Variants in CEP112 observed in about 807,000 individuals in gnomAD.
CEP112 encodes the protein centrosomal protein of 112 kDa.
Under a neutral mutation model 153.0 loss-of-function variants are expected in CEP112, and 127 were observed. The ratio of observed to expected loss-of-function variants is 0.83; its 90% CI spans 0.72 to 0.96. The LOEUF (loss-of-function observed/expected upper bound fraction) is 0.96, where lower values mean the gene tolerates loss of function less well. Ranked by LOEUF, CEP112 falls within the 40% of genes least tolerant of loss-of-function variation. CEP112 has a pLI of 0.00. For missense variants in CEP112, 1,089 were observed against 1,101.2 expected, an observed-to-expected ratio of 0.99 and a Z score of 0.16; for synonymous variants, 358 against 374.4, an observed-to-expected ratio of 0.96 and a Z score of 0.51.
At chr17:65,647,507 G>T (rs1274252191) in intron 24 of CEP112, among the ~76,000 whole-genome samples, 3 of 134,272 alleles carry the variant, frequency 2.2e-5, no homozygotes, top group African/African-American at 8.6e-5. Flanking sequence ...ACAGGGTCTT[G>T]CTCTGTTATC....
At chr17:65,851,257 C>T (rs1163543946) in intron 21 of CEP112, among the ~76,000 whole-genome samples, 1 of 152,100 alleles carries the variant, frequency 6.6e-6, no homozygotes, top group African/African-American at 2.4e-5. Flanking sequence ...GAGATTGCAC[C>T]TTTAATATAA....
chr17:65,827,766 G>A (rs1250867313), intron 21 of CEP112, among the ~76,000 whole-genome samples: 2 of 152,140 alleles, frequency 1.3e-5, no homozygotes, highest in Non-Finnish European at 2.9e-5. Context: ...GCTTCCTTAA[G>A]TCCTCTAGCA....
chr17:65,712,744 C>A (rs539100597), intron 23 of CEP112, among the ~76,000 whole-genome samples: 3 of 152,256 alleles, frequency 2.0e-5, no homozygotes, highest in Admixed American at 2.0e-4. Flanking sequence ...TTAGAACTGT[C>A]TGGGTCCTGC....
chr17:65,683,378 A>G (rs1189948323), intron 24 of CEP112, among the ~76,000 whole-genome samples: 1 of 152,232 alleles, frequency 6.6e-6, no homozygotes, highest in Non-Finnish European at 1.5e-5. Context: ...AATGCTTGCA[A>G]AACCAGATGA....
At chr17:65,927,519 T>C in intron 19 of CEP112, 63 bp downstream of exon 19, 1 of 889,806 alleles carries the variant, frequency 1.1e-6, no homozygotes, top group Admixed American at 2.5e-5. Context: ...ATAGTGATTT[T>C]TAAAAGATAA....
intron 23 of CEP112, among the ~76,000 whole-genome samples, chr17:65,724,843 T>C (rs1669712988): frequency 6.6e-6 from 1 of 152,132 alleles, no homozygotes; most frequent in Non-Finnish European, 1.5e-5. Context: ...GCCATTTCAG[T>C]CTAGCCCCTT....
intron 21 of CEP112, among the ~76,000 whole-genome samples, chr17:65,784,432 G>A (rs2054164021): frequency 1.3e-5 from 2 of 152,104 alleles, no homozygotes; most frequent in African/African-American, 4.8e-5. Context: ...CTTCTTTACT[G>A]GGGAAGCAAT....
At chr17:65,928,979 T>C (rs535533139) in intron 18 of CEP112, among the ~76,000 whole-genome samples, 1 of 152,330 alleles carries the variant, frequency 6.6e-6, no homozygotes, top group South Asian at 2.1e-4. Context: ...ATTCCATTTA[T>C]ATTAAATTTC....
intron 16 of CEP112, among the ~76,000 whole-genome samples, chr17:66,015,292 A>G (rs1328709484): frequency 6.6e-6 from 1 of 152,098 alleles, no homozygotes; most frequent in Non-Finnish European, 1.5e-5. Flanking sequence ...TTCTCTTCTG[A>G]CATTTCCATT....
rs376235299 is a variant in CEP112 at position 66,006,111 on chromosome 17, A to C, written c.1657-342T>G. 8.4e-4 allele frequency among the ~76,000 whole-genome samples: 128 copies of C among 152,296 alleles called. 4 individuals are homozygous for C. In the South Asian group the frequency reaches 0.026, roughly 31 times the overall value. ...CAAGATTCAAGAGAATACAATAAAC[A>C]ATGTGTCTATATTCCCTGAACACAT... On this transcript the variant is annotated intron_variant, in intron 16 of 26. Coordinates refer to ENST00000535342, the MANE Select transcript of CEP112 (RefSeq NM_001199165.4).
At chr17:65,722,101 G>T (rs1476921616) in intron 23 of CEP112, among the ~76,000 whole-genome samples, 3 of 152,178 alleles carry the variant, frequency 2.0e-5, no homozygotes, top group African/African-American at 7.2e-5. Flanking sequence ...GGAAGACCAG[G>T]CTTAGAAGTT....
intron 12 of CEP112, among the ~76,000 whole-genome samples, chr17:66,034,023 T>G (rs2065604185): frequency 6.6e-6 from 1 of 152,180 alleles, no homozygotes; most frequent in Admixed American, 6.5e-5. Flanking sequence ...CCGCTTTTTC[T>G]GTACCCAGAC....
chr17:65,968,640 CAGTT>C (rs1356577880), intron 17 of CEP112, among the ~76,000 whole-genome samples: 1 of 152,136 alleles, frequency 6.6e-6, no homozygotes, highest in Non-Finnish European at 1.5e-5. Context: ...CTGCTCATCA[CAGTT>C]AGGGCAGTTC....
At chr17:65,781,024 T>C (rs1195544550) in intron 21 of CEP112, among the ~76,000 whole-genome samples, 2 of 152,144 alleles carry the variant, frequency 1.3e-5, no homozygotes, top group Non-Finnish European at 2.9e-5. Context: ...GTCAGATTTG[T>C]AGACAGTTCA....
chr17:65,640,154 A>ATTTTTTTTT (rs529025836), intron 25 of CEP112, among the ~76,000 whole-genome samples: 3 of 78,340 alleles, frequency 3.8e-5, no homozygotes, highest in Admixed American at 1.7e-4. Flanking sequence ...ATATATATAT[A>ATTTTTTTTT]TTTTTTTTTT....
intron 21 of CEP112, among the ~76,000 whole-genome samples, chr17:65,809,860 G>A (rs556805892): frequency 6.9e-4 from 104 of 151,814 alleles, no homozygotes; most frequent in Non-Finnish European, 9.6e-4. Flanking sequence ...AGTGGGGGGG[G>A]GAAGATAAGG....
chr17:65,979,944 T>C lies in CEP112; in HGVS notation c.1737-18346A>G, dbSNP rs140086816. 1.9e-4 allele frequency among the ~76,000 whole-genome samples: 29 copies of C among 152,150 alleles called. No individual in the cohort carries two copies. The East Asian group carries it at 5.4e-3, about 28-fold the overall frequency. ...GCTATCACCATTCTAAACTACACGA[T>C]TTCGTCATAATAAAGCAAGCTAAGG... On this transcript the variant is annotated intron_variant, in intron 17 of 26. Coordinates refer to ENST00000535342, the MANE Select transcript of CEP112 (RefSeq NM_001199165.4).
chr17:66,092,174 G>A (rs1227956683), intron 8 of CEP112, among the ~76,000 whole-genome samples: 2 of 151,310 alleles, frequency 1.3e-5, no homozygotes, highest in African/African-American at 4.9e-5. Flanking sequence ...CAAGTAGCTG[G>A]GATTACAGGT....
intron 22 of CEP112, among the ~76,000 whole-genome samples, chr17:65,744,292 T>C (rs1001471572): frequency 2.0e-5 from 3 of 151,968 alleles, no homozygotes; most frequent in Non-Finnish European, 2.9e-5. Context: ...CTTGCTCTGT[T>C]ACCCAGGCTG....
Sources: allele counts gnomAD v4.1 joint callset (sites outside exome capture counted in the v4.1 genomes callset), GRCh38; gene constraint gnomAD v4.1.1; transcripts MANE v1.5; gene names NCBI Gene and HGNC (gene_info 2026-07-23, HGNC 2026-07-21).